IQCM: variants seen among roughly 807,000 people sequenced by gnomAD.
IQCM encodes the protein IQ motif containing M.
In IQCM, 45 loss-of-function variants were observed where a neutral mutation model predicts 57.6. The observed-to-expected ratio is 0.78, with a 90% CI of 0.62 to 1.00. IQCM has a LOEUF of 1.00. Ranked by LOEUF, IQCM falls within the 50% of genes least tolerant of loss-of-function variation. The pLI, the probability that IQCM is intolerant of heterozygous loss-of-function variation, is 0.00. For synonymous variants in IQCM, 148 were observed against 158.9 expected (o/e 0.93, Z 0.51); for missense variants, 468 against 511.6 (o/e 0.91, Z 0.82).
At chr4:149,757,256 C>CA (rs892655058) in intron 2 of IQCM, among the ~76,000 whole-genome samples, 7 of 132,504 alleles carry the variant, frequency 5.3e-5, no homozygotes, top group Non-Finnish European at 8.2e-5. Flanking sequence ...AGACTCGTCT[C>CA]AAAAAAAAAT....
intron 12 of IQCM, among the ~76,000 whole-genome samples, chr4:149,438,609 T>C (rs988884913): frequency 3.3e-5 from 5 of 152,128 alleles, no homozygotes; most frequent in Non-Finnish European, 7.4e-5. Flanking sequence ...TAAGTTTATT[T>C]CTGTTCATTA....
At chr4:149,370,885 T>A (rs756440746) in intron 13 of IQCM, among the ~76,000 whole-genome samples, 27,359 of 151,970 alleles carry the variant, frequency 0.18, 2,623 homozygotes, top group South Asian at 0.33. Flanking sequence ...TTTTGTTAAT[T>A]CTTTATAGAT....
intron 12 of IQCM, among the ~76,000 whole-genome samples, chr4:149,475,042 T>G (rs1366053369): frequency 6.6e-6 from 1 of 152,172 alleles, no homozygotes; most frequent in Admixed American, 6.6e-5. Context: ...GGAAGGGTTT[T>G]TAGGAAAGAC....
intron 12 of IQCM, among the ~76,000 whole-genome samples, chr4:149,439,226 G>T (rs921531089): frequency 6.6e-6 from 1 of 151,998 alleles, no homozygotes; most frequent in African/African-American, 2.4e-5. Flanking sequence ...TCAAACTACA[G>T]TTAGTTCAAA....
chr4:149,481,697 T>TTTTGTTTTTTTTTTTTTTTTG (rs1740810919), intron 12 of IQCM, among the ~76,000 whole-genome samples: 3 of 91,066 alleles, frequency 3.3e-5, no homozygotes, highest in Non-Finnish European at 4.5e-5. Context: ...ATTCTTCCAG[T>TTTTGTTTTTTTTTTTTTTTTG]TTTGTTTTTT....
chr4:149,655,505 A>G (rs1327690975), intron 7 of IQCM, among the ~76,000 whole-genome samples: 1 of 152,158 alleles, frequency 6.6e-6, no homozygotes, highest in African/African-American at 2.4e-5. Flanking sequence ...TTCAGATAAT[A>G]AAACATTTGT....
chr4:149,801,647 C>T (rs1258945183), intron 2 of IQCM, among the ~76,000 whole-genome samples: 2 of 152,030 alleles, frequency 1.3e-5, no homozygotes, highest in East Asian at 1.9e-4. Flanking sequence ...GACAGAAACA[C>T]AAACATCACA....
chr4:149,463,098 T>A (rs1738480468), intron 12 of IQCM, among the ~76,000 whole-genome samples: 1 of 152,120 alleles, frequency 6.6e-6, no homozygotes. Flanking sequence ...TTAGGAAAAA[T>A]TTTTTAAAAA....
chr4:149,588,064 T>C, intron 8 of IQCM, 67 bp from the exon 9 acceptor site: 1 of 581,292 alleles, frequency 1.7e-6, no homozygotes, highest in Non-Finnish European at 2.5e-6. Context: ...AAATTTTAAT[T>C]CCATTGACGT....
intron 5 of IQCM, among the ~76,000 whole-genome samples, chr4:149,723,406 T>A (rs776416996): frequency 3.3e-5 from 5 of 152,086 alleles, no homozygotes; most frequent in Non-Finnish European, 1.5e-5. Context: ...TTGTTCAGCA[T>A]GTTATTGGCT....
chr4:149,545,917 C>T (rs755207613), intron 12 of IQCM, among the ~76,000 whole-genome samples: 8 of 152,064 alleles, frequency 5.3e-5, no homozygotes, highest in Non-Finnish European at 8.8e-5. Context: ...GTGCTGCACC[C>T]GTTAACTCGT....
At chr4:149,656,581 A>G (rs1004079375) in intron 7 of IQCM, among the ~76,000 whole-genome samples, 7 of 152,086 alleles carry the variant, frequency 4.6e-5, no homozygotes, top group African/African-American at 1.4e-4. Context: ...TAAAAAATCT[A>G]TTTTCCACTT....
At chr4:149,419,245 C>G (rs1481930652) in intron 13 of IQCM, among the ~76,000 whole-genome samples, 1 of 151,748 alleles carries the variant, frequency 6.6e-6, no homozygotes, top group Admixed American at 6.6e-5. Context: ...GAAACTATAC[C>G]ACAAAACCAC....
chr4:149,795,607 C>T (rs887260114), intron 2 of IQCM, among the ~76,000 whole-genome samples: 1 of 152,176 alleles, frequency 6.6e-6, no homozygotes. Context: ...TAAATAAGTG[C>T]TGGCATCTCC....
At chr4:149,470,188 G>A (rs886189982) in intron 12 of IQCM, among the ~76,000 whole-genome samples, 4 of 151,986 alleles carry the variant, frequency 2.6e-5, no homozygotes, top group Non-Finnish European at 5.9e-5. Flanking sequence ...CAAATTGGTT[G>A]AAGAGTCAAG....
chr4:149,355,988 T>G (rs1055293808), intron 13 of IQCM, among the ~76,000 whole-genome samples: 4 of 152,262 alleles, frequency 2.6e-5, no homozygotes, highest in African/African-American at 9.6e-5. Flanking sequence ...ATTTCTCTGA[T>G]GGCCAGTGAT....
At chr4:149,436,487 C>T (rs1477588523) in intron 12 of IQCM, among the ~76,000 whole-genome samples, 1 of 152,040 alleles carries the variant, frequency 6.6e-6, no homozygotes, top group Non-Finnish European at 1.5e-5. Flanking sequence ...GCTAATTCCC[C>T]ATTTCCAATT....
intron 12 of IQCM, among the ~76,000 whole-genome samples, chr4:149,491,667 C>T (rs1420561011): frequency 6.6e-6 from 1 of 152,028 alleles, no homozygotes; most frequent in Non-Finnish European, 1.5e-5. Context: ...TTTATGGATA[C>T]TTAGGTTGAT....
chr4:149,554,116 T>C (rs1481810827), intron 10 of IQCM, among the ~76,000 whole-genome samples: 1 of 152,184 alleles, frequency 6.6e-6, no homozygotes, highest in African/African-American at 2.4e-5. Flanking sequence ...TTATTTCTTG[T>C]TTGTTTAGGA....
Sources: gnomAD v4.1 joint callset for allele counts (sites outside exome capture counted in the v4.1 genomes callset) on GRCh38, gnomAD v4.1.1 for gene constraint, MANE v1.5 for transcripts, NCBI Gene and HGNC (gene_info 2026-07-23, HGNC 2026-07-21) for gene names.